SLCO1C1: variants seen among roughly 807,000 people sequenced by gnomAD.
SLCO1C1 encodes OAT-RP-5.
SLCO1C1 carries 70 observed loss-of-function variants against 76.4 expected under a neutral mutation model. The ratio of observed to expected loss-of-function variants is 0.92; its 90% CI spans 0.76 to 1.12. SLCO1C1 has a LOEUF of 1.12. SLCO1C1 is among the 50% of genes most tolerant of loss of function. The pLI, the probability that SLCO1C1 is intolerant of heterozygous loss-of-function variation, is 0.00. For synonymous variants in SLCO1C1, 306 were observed against 286.1 expected, an observed-to-expected ratio of 1.07 and a Z score of -0.70; for missense variants, 912 against 823.8, an observed-to-expected ratio of 1.11 and a Z score of -1.31.
chr12:20,706,146 G>A, intron 4 of SLCO1C1, 65 bp downstream of exon 4: 3 of 1,503,992 alleles, frequency 2.0e-6, no homozygotes, highest in Admixed American at 2.2e-5. Flanking sequence ...CTTTTATGAT[G>A]ATTATTAATT....
chr12:20,750,069 G>C (rs541693020), intron 13 of SLCO1C1, among the ~76,000 whole-genome samples: 15 of 152,268 alleles, frequency 9.9e-5, no homozygotes, highest in African/African-American at 3.6e-4. Flanking sequence ...AAAGTAGAAA[G>C]ACCCAATGTT....
At chr12:20,725,096 TATACA>T (rs1208344286) in intron 9 of SLCO1C1, among the ~76,000 whole-genome samples, 3 of 136,118 alleles carry the variant, frequency 2.2e-5, no homozygotes, top group African/African-American at 8.0e-5. Flanking sequence ...TAAAATAATA[TATACA>T]ACATGATATA....
chr12:20,736,335 T>TG (rs1330840945), intron 10 of SLCO1C1, among the ~76,000 whole-genome samples: 2 of 90,132 alleles, frequency 2.2e-5, no homozygotes, highest in Non-Finnish European at 6.7e-5. Flanking sequence ...AAAACCAATT[T>TG]TGGGGGGGGG....
At chr12:20,732,430 G>A (rs1406519668) in intron 9 of SLCO1C1, among the ~76,000 whole-genome samples, 1 of 152,116 alleles carries the variant, frequency 6.6e-6, no homozygotes, top group Non-Finnish European at 1.5e-5. Context: ...AAATATAGGT[G>A]GTGATTGTTG....
chr12:20,751,163 C>T (rs140267615), intron 14 of SLCO1C1, among the ~76,000 whole-genome samples: 136 of 152,186 alleles, frequency 8.9e-4, no homozygotes, highest in African/African-American at 2.9e-3. Context: ...TCAAACTGAG[C>T]CAAACTGTAC....
chr12:20,711,402 T>A lies in SLCO1C1; in HGVS notation c.421T>A (p.Tyr141Asn). Residue 141 changes from tyrosine (Y) to asparagine (N), a missense_variant, in exon 5 of 15, where the codon TAT (tyrosine) becomes AAT (asparagine). Transcript: ENST00000266509. The stretch of plus-strand genomic sequence containing the variant: ...CTTATGCAGGTACAAATATGAGAGA[T>A]ATTCTCCTTCCTCCAATTCCACTCT... ...FFMEQYKYER[Y>N]SPSSNSTLSI... 6.2e-7 allele frequency: 1 copy of A among 1,613,086 alleles called. No individual in the cohort carries two copies. Among genetic ancestry groups the A allele is most frequent in the Non-Finnish European group, 8.5e-7 (1 of 1,179,546 alleles).
intron 7 of SLCO1C1, among the ~76,000 whole-genome samples, chr12:20,719,532 A>G (rs186567544): frequency 1.3e-5 from 2 of 152,236 alleles, no homozygotes; most frequent in Non-Finnish European, 2.9e-5. Context: ...GCAGGAATTT[A>G]TAAAAGTGAT....
intron 12 of SLCO1C1, among the ~76,000 whole-genome samples, chr12:20,740,994 C>G (rs1948793665): frequency 6.6e-6 from 1 of 151,622 alleles, no homozygotes; most frequent in Non-Finnish European, 1.5e-5. Context: ...TTAATTGACT[C>G]ACAGTTCCGC....
chr12:20,719,461 A>G (rs1300676929), intron 7 of SLCO1C1, among the ~76,000 whole-genome samples: 2 of 152,220 alleles, frequency 1.3e-5, no homozygotes, highest in Non-Finnish European at 2.9e-5. Flanking sequence ...GAATGCCAAG[A>G]CAGGCAAAAA....
intron 12 of SLCO1C1, 141 bp from the exon 13 acceptor site, chr12:20,743,164 T>C: frequency 1.5e-6 from 1 of 675,160 alleles, no homozygotes; most frequent in Middle Eastern, 4.4e-4. Flanking sequence ...GCCCTCCCTA[T>C]GTTAGCACAC....
chr12:20,728,314 A>G (rs1459591394), intron 9 of SLCO1C1, among the ~76,000 whole-genome samples: 1 of 152,146 alleles, frequency 6.6e-6, no homozygotes, highest in African/African-American at 2.4e-5. Flanking sequence ...GTTGAAGATG[A>G]GATGGTTGTA....
chr12:20,750,558 T>C (rs1170277459), intron 13 of SLCO1C1, 117 bp from the exon 14 acceptor site: 3 of 873,518 alleles, frequency 3.4e-6, no homozygotes, highest in East Asian at 2.4e-5. Flanking sequence ...AGCATGTAAT[T>C]GATGGCCTTT....
intron 12 of SLCO1C1, 64 bp from the exon 13 acceptor site, chr12:20,743,241 T>G: frequency 6.9e-7 from 1 of 1,459,044 alleles, no homozygotes; most frequent in South Asian, 1.2e-5. Context: ...CAGATTATCC[T>G]TCAAATTTCT....
chr12:20,703,779 A>G (rs934434734), intron 3 of SLCO1C1, among the ~76,000 whole-genome samples: 3 of 151,716 alleles, frequency 2.0e-5, no homozygotes, highest in African/African-American at 4.8e-5. Context: ...TTATTTGTAT[A>G]TACTATTCCG....
Position 20,740,079 on chromosome 12 carries a change from A to C in SLCO1C1, c.1549-105A>C. 5 of 1,106,212 alleles carry C rather than the reference A, an allele frequency of 4.5e-6. No homozygotes were observed. The Admixed American group carries it at 1.0e-4, about 23-fold the overall frequency. 68.5% of individuals were successfully genotyped at this position (1,106,212 alleles called of 1,614,324 possible). On this transcript the variant is annotated intron_variant, in intron 11 of 14. Coordinates refer to ENST00000266509, the MANE Select transcript of SLCO1C1 (RefSeq NM_017435.5). ...CAAAAAAATAAAAGAATATTTCCTC[A>C]TTGTTTACATAATGCATGGCTACGG...
At chr12:20,740,644 C>T (rs1409161731) in intron 12 of SLCO1C1, among the ~76,000 whole-genome samples, 1 of 151,128 alleles carries the variant, frequency 6.6e-6, no homozygotes, top group Non-Finnish European at 1.5e-5. Flanking sequence ...AATACAGTAT[C>T]CTACTTCTAA....
At chr12:20,729,950 G>T (rs1172192414) in intron 9 of SLCO1C1, among the ~76,000 whole-genome samples, 1 of 152,022 alleles carries the variant, frequency 6.6e-6, no homozygotes, top group Admixed American at 6.6e-5. Context: ...AATTTATACT[G>T]AGGGTGCAGA....
chr12:20,711,927 C>T (rs56771264), intron 5 of SLCO1C1, among the ~76,000 whole-genome samples: 1 of 152,000 alleles, frequency 6.6e-6, no homozygotes, highest in East Asian at 1.9e-4. Flanking sequence ...TCAATTTGTC[C>T]GCAACCTCCC....
intron 2 of SLCO1C1, chr12:20,699,976 G>C (rs186928784): frequency 2.6e-5 from 7 of 270,152 alleles, no homozygotes; most frequent in African/African-American, 1.3e-4. Flanking sequence ...CTTCTGCCAT[G>C]TGCCAGATAT....
Sources: gnomAD v4.1 joint callset for allele counts (sites outside exome capture counted in the v4.1 genomes callset) on GRCh38, gnomAD v4.1.1 for gene constraint, MANE v1.5 for transcripts, NCBI Gene and HGNC (gene_info 2026-07-23, HGNC 2026-07-21) for gene names.